The following RYR3 variants were observed in gnomAD, a reference collection of about 807,000 sequenced individuals.
The protein encoded by RYR3 is ryanodine receptor 3, also known as brain ryanodine receptor-calcium release channel.
Under a neutral mutation model 584.3 loss-of-function variants are expected in RYR3, and 207 were observed. That is an observed-to-expected ratio of 0.35 (90% CI 0.32 to 0.40). The LOEUF is 0.40. Among genes scored for constraint, RYR3 ranks in the 10% least tolerant of loss-of-function variants. RYR3 has a pLI of 1.00. For synonymous variants in RYR3, 2,416 were observed against 2,248.5 expected (o/e 1.07, Z -2.11); for missense variants, 5,616 against 6,089.2 (o/e 0.92, Z 2.59).
At position 33,772,030 on chromosome 15, in the gene RYR3, T is replaced by C. The variant is rs760063942; in HGVS notation, c.8927T>C (p.Phe2976Ser). The part of the protein sequence containing the change: ...KTSENLKLGK[F>S]THSRTQIKGV... ...TCAGAAAACCTGAAACTTGGGAAGTTCACCCATTCCCGAACGCAGATTAAA... is the reference window on the plus strand; with the variant it reads ...TCAGAAAACCTGAAACTTGGGAAGTCCACCCATTCCCGAACGCAGATTAAA... The change falls in exon 63 of 104, where the codon TTC (phenylalanine) becomes TCC (serine). Residue 2976 changes from phenylalanine to serine, a missense_variant. Physicochemically the swap from Phe to Ser is radical, Grantham distance 155 (BLOSUM62 -2). Around this residue, in one of 9 missense-constraint regions of RYR3, gnomAD observed 954 missense variants for 1,132.2 expected, o/e 0.84. Transcript: ENST00000634891. 1 of 1,613,722 alleles carries C rather than the reference T, an allele frequency of 6.2e-7. No individual in the cohort carries two copies. Among genetic ancestry groups the C allele is most frequent in the Non-Finnish European group, 8.5e-7 (1 of 1,179,768 alleles).
intron 67 of RYR3, among the ~76,000 whole-genome samples, chr15:33,793,940 A>G (rs1330490166): frequency 1.4e-5 from 2 of 145,178 alleles, no homozygotes; most frequent in East Asian, 2.0e-4. Context: ...ATATACATAT[A>G]TAAATATATA....
intron 59 of RYR3, among the ~76,000 whole-genome samples, chr15:33,756,905 A>G (rs1046122580): frequency 5.3e-5 from 8 of 152,230 alleles, no homozygotes; most frequent in Non-Finnish European, 1.2e-4. Flanking sequence ...GGACCTGTTT[A>G]AGTTCCATTT....
rs771311317 is a variant in RYR3 at position 33,865,258 on chromosome 15, C to CAGTCA, written c.*34_*38dup. 72 of 1,484,720 alleles carry CAGTCA rather than the reference C, an allele frequency of 4.8e-5. No individual in the cohort carries two copies. Among genetic ancestry groups the CAGTCA allele is most frequent in the Non-Finnish European group, 6.3e-5 (67 of 1,067,528 alleles). 92.0% of individuals were successfully genotyped at this position (1,484,720 alleles called of 1,614,324 possible). On this transcript the variant is annotated 3_prime_UTR_variant, in exon 104 of 104. Coordinates refer to ENST00000634891, the MANE Select transcript of RYR3 (RefSeq NM_001036.6). ...ATCAAAGAAGCGCGACAATTCTGGA[C>CAGTCA]AGTCAACTTCCCATGAAATAAAGTC...
intron 9 of RYR3, 49 bp downstream of exon 9, chr15:33,548,253 G>A (rs939897437): frequency 5.2e-6 from 6 of 1,143,868 alleles, no homozygotes; most frequent in African/African-American, 3.1e-5. Flanking sequence ...TTCTTTTTCA[G>A]TACAGGCCGT....
intron 20 of RYR3, among the ~76,000 whole-genome samples, chr15:33,624,263 G>A (rs1370478536): frequency 2.0e-5 from 3 of 152,202 alleles, no homozygotes; most frequent in Non-Finnish European, 4.4e-5. Context: ...AGGATAGACA[G>A]AAATATTTAT....
At chr15:33,679,338 A>T (rs1461834039) in intron 38 of RYR3, among the ~76,000 whole-genome samples, 1 of 152,178 alleles carries the variant, frequency 6.6e-6, no homozygotes, top group Non-Finnish European at 1.5e-5. Flanking sequence ...TGCTTTGATA[A>T]TGGCCACTTA....
At chr15:33,860,845 C>G (rs529375798) in intron 101 of RYR3, among the ~76,000 whole-genome samples, 186 bp downstream of exon 101, 1 of 152,292 alleles carries the variant, frequency 6.6e-6, no homozygotes, top group South Asian at 2.1e-4. Context: ...CTGCCTCCTC[C>G]ACTGTCCCAC....
chr15:33,416,431 T>G (rs2676046), intron 1 of RYR3, among the ~76,000 whole-genome samples: 152,231 of 152,290 alleles, frequency 1, 76,086 homozygotes, highest in Middle Eastern at 1. Context: ...TTGTGGTTTT[T>G]ATTTGCATTT....
intron 38 of RYR3, among the ~76,000 whole-genome samples, chr15:33,673,002 T>C (rs1246364706): frequency 1.3e-5 from 2 of 152,240 alleles, no homozygotes; most frequent in Admixed American, 6.5e-5. Context: ...AAGCTATGGC[T>C]TGAAGGCAGG....
At chr15:33,725,101 C>T (rs1207819250) in intron 45 of RYR3, among the ~76,000 whole-genome samples, 1 of 151,218 alleles carries the variant, frequency 6.6e-6, no homozygotes, top group African/African-American at 2.4e-5. Context: ...CACCAGAGCC[C>T]CATCTGCGGT....
intron 69 of RYR3, among the ~76,000 whole-genome samples, chr15:33,803,307 T>C (rs914570925): frequency 6.6e-6 from 1 of 152,224 alleles, no homozygotes; most frequent in Non-Finnish European, 1.5e-5. Flanking sequence ...TTTTATTTGA[T>C]TTTTCAGAAT....
chr15:33,662,985 G>A, intron 35 of RYR3, 37 bp downstream of exon 35: 1 of 1,559,910 alleles, frequency 6.4e-7, no homozygotes, highest in Non-Finnish European at 8.8e-7. Context: ...CAGGTTAATA[G>A]ATCTTCTGCT....
At chr15:33,865,019 C>CAT in intron 103 of RYR3, 112 bp from the exon 104 acceptor site, 1 of 725,836 alleles carries the variant, frequency 1.4e-6, no homozygotes, top group Non-Finnish European at 2.4e-6. Context: ...GGTTTGGCCT[C>CAT]ATATAAATTC....
intron 10 of RYR3, among the ~76,000 whole-genome samples, chr15:33,552,546 A>T (rs1033772436): frequency 6.6e-6 from 1 of 152,228 alleles, no homozygotes; most frequent in African/African-American, 2.4e-5. Flanking sequence ...ACTATGCTAG[A>T]GATTTTAAAT....
intron 1 of RYR3, among the ~76,000 whole-genome samples, chr15:33,458,236 T>C (rs1339429141): frequency 6.6e-6 from 1 of 152,094 alleles, no homozygotes; most frequent in South Asian, 2.1e-4. Context: ...AATTACACTT[T>C]GTACTCACCC....
chr15:33,603,107 C>T lies in RYR3; in HGVS notation c.1923-16C>T, dbSNP rs1221748925. On this transcript the variant is annotated splice_polypyrimidine_tract_variant and intron_variant, in intron 17 of 103. Coordinates refer to ENST00000634891, the MANE Select transcript of RYR3 (RefSeq NM_001036.6). The stretch of plus-strand genomic sequence containing the variant: ...TTAAGGGTGTGTAGATGCCACTTGC[C>T]CATGTTTACTTTCAGTATCCGGCCA... 2.5e-6 allele frequency: 4 copies of T among 1,613,174 alleles called. No individual in the cohort carries two copies. Among genetic ancestry groups the T allele is most frequent in the Non-Finnish European group, 3.4e-6 (4 of 1,179,446 alleles).
chr15:33,660,522 C>A (rs17817476), intron 34 of RYR3, 99 bp downstream of exon 34: 3 of 742,880 alleles, frequency 4.0e-6, no homozygotes, highest in Admixed American at 2.9e-5. Context: ...GTGTTGGATC[C>A]TGCTCAGTCC....
At chr15:33,668,597 G>A (rs1465002200) in intron 36 of RYR3, among the ~76,000 whole-genome samples, 1 of 152,086 alleles carries the variant, frequency 6.6e-6, no homozygotes, top group African/African-American at 2.4e-5. Flanking sequence ...ACAGGGATAG[G>A]ACATTTTTCA....
chr15:33,518,807 C>G (rs559706718), intron 3 of RYR3, among the ~76,000 whole-genome samples: 2 of 152,122 alleles, frequency 1.3e-5, no homozygotes, highest in African/African-American at 2.4e-5. Context: ...AGCAGCCATG[C>G]GAAAAGCACT....
Sources: gnomAD v4.1 joint callset for allele counts (sites outside exome capture counted in the v4.1 genomes callset) on GRCh38, gnomAD v4.1.1 for gene constraint, gnomAD v4.1.1 regional missense constraint, MANE v1.5 for transcripts, NCBI Gene and HGNC (gene_info 2026-07-23, HGNC 2026-07-21) for gene names.